NRG1: variants seen among roughly 807,000 people sequenced by gnomAD.
NRG1 encodes the protein neuregulin 1, also known as pro-neuregulin-1, membrane-bound isoform.
A neutral mutation model predicts 63.8 loss-of-function variants in NRG1; 18 were observed. That is an observed-to-expected ratio of 0.28 (90% CI 0.19 to 0.42). The LOEUF (loss-of-function observed/expected upper bound fraction) is 0.42. Ranked by LOEUF, NRG1 falls within the 10% of genes least tolerant of loss-of-function variation. The pLI is 1.00. For synonymous variants in NRG1, 302 were observed against 301.3 expected (o/e 1.00, Z -0.02); for missense variants, 762 against 814.7 (o/e 0.94, Z 0.79).
intron 1 of NRG1, among the ~76,000 whole-genome samples, chr8:32,078,210 G>A (rs2131118296): frequency 6.6e-6 from 1 of 152,318 alleles, no homozygotes; most frequent in African/African-American, 2.4e-5. Context: ...CCTCCCAGTG[G>A]TAATGAGTGA....
At chr8:31,758,103 A>G (rs1817160489) in intron 1 of NRG1, among the ~76,000 whole-genome samples, 1 of 152,104 alleles carries the variant, frequency 6.6e-6, no homozygotes. Context: ...ATACATGTGC[A>G]GAACGTGCAG....
chr8:32,636,117 C>T (rs77882792), intron 5 of NRG1, among the ~76,000 whole-genome samples: 95 of 152,070 alleles, frequency 6.2e-4, no homozygotes, highest in Non-Finnish European at 1.1e-3. Flanking sequence ...TTGAGAAACA[C>T]TTCTAAAGAC....
At chr8:31,970,130 C>T (rs1256728914) in intron 1 of NRG1, among the ~76,000 whole-genome samples, 2 of 152,128 alleles carry the variant, frequency 1.3e-5, no homozygotes, top group Non-Finnish European at 2.9e-5. Flanking sequence ...CCAACTTTCA[C>T]TATTTTAGTA....
chr8:32,149,480 C>G (rs2131812342), intron 1 of NRG1, among the ~76,000 whole-genome samples: 1 of 151,658 alleles, frequency 6.6e-6, no homozygotes, highest in East Asian at 1.9e-4. Flanking sequence ...AAGGGATGCC[C>G]TTCTGTTCTA....
At chr8:32,495,443 T>A (rs1428984717) in intron 1 of NRG1, among the ~76,000 whole-genome samples, 1 of 152,180 alleles carries the variant, frequency 6.6e-6, no homozygotes, top group Non-Finnish European at 1.5e-5. Flanking sequence ...TATAAATTAC[T>A]CAGTCTTGGG....
At chr8:31,932,443 T>A (rs1834946605) in intron 1 of NRG1, among the ~76,000 whole-genome samples, 1 of 152,216 alleles carries the variant, frequency 6.6e-6, no homozygotes, top group Admixed American at 6.5e-5. Flanking sequence ...GTTGGTTGAA[T>A]CCTTCTTGTG....
chr8:32,614,355 G>GC (rs773269287), intron 3 of NRG1, 159 bp from the exon 4 acceptor site: 5 of 549,332 alleles, frequency 9.1e-6, no homozygotes, highest in African/African-American at 1.9e-5. Flanking sequence ...CTGTCTTTCT[G>GC]CATTTCTCAC....
intron 5 of NRG1, among the ~76,000 whole-genome samples, chr8:32,702,718 C>T (rs1815273334): frequency 6.6e-6 from 1 of 152,120 alleles, no homozygotes; most frequent in African/African-American, 2.4e-5. Flanking sequence ...AATTCCTGAC[C>T]TGATCTGCCT....
intron 1 of NRG1, among the ~76,000 whole-genome samples, chr8:32,341,773 T>C (rs1475810657): frequency 1.3e-5 from 2 of 152,146 alleles, no homozygotes; most frequent in East Asian, 3.8e-4. Flanking sequence ...TAAAAGGAAT[T>C]TTGTGGCTTC....
At chr8:32,382,951 G>A (rs1264187347) in intron 1 of NRG1, among the ~76,000 whole-genome samples, 3 of 152,008 alleles carry the variant, frequency 2.0e-5, no homozygotes, top group African/African-American at 7.2e-5. Context: ...GCTGGGCACA[G>A]TGGCTCACAC....
At chr8:32,117,386 T>C (rs1832875081) in intron 1 of NRG1, among the ~76,000 whole-genome samples, 2 of 152,142 alleles carry the variant, frequency 1.3e-5, no homozygotes, top group South Asian at 4.1e-4. Context: ...CGAATTTACT[T>C]TCCATGCATT....
chr8:31,884,194 ATTTGGCATTAGAAATTAT>A (rs2129613101), intron 1 of NRG1, among the ~76,000 whole-genome samples: 1 of 152,190 alleles, frequency 6.6e-6, no homozygotes, highest in Admixed American at 6.6e-5. Context: ...AGGGAATCCT[ATTTGGCATTAGAAATTAT>A]TTATTTTGAG....
intron 1 of NRG1, among the ~76,000 whole-genome samples, chr8:32,253,713 G>A (rs1849373206): frequency 1.3e-5 from 2 of 152,206 alleles, no homozygotes; most frequent in Admixed American, 6.5e-5. Flanking sequence ...CATAAAATGA[G>A]TTAGGGAGAA....
chr8:32,199,683 T>G (rs1460750072), intron 1 of NRG1, among the ~76,000 whole-genome samples: 1 of 152,218 alleles, frequency 6.6e-6, no homozygotes, highest in Non-Finnish European at 1.5e-5. Flanking sequence ...ATAACATATT[T>G]CTAATCCTTT....
intron 1 of NRG1, among the ~76,000 whole-genome samples, chr8:32,354,910 T>G (rs7001724): frequency 0.29 from 44,496 of 151,166 alleles, 6,804 homozygotes; most frequent in South Asian, 0.36. Context: ...ATAATGATAT[T>G]ACAGAAAATG....
chr8:32,465,090 G>T (rs912514236), intron 1 of NRG1, among the ~76,000 whole-genome samples: 1 of 152,078 alleles, frequency 6.6e-6, no homozygotes, highest in African/African-American at 2.4e-5. Flanking sequence ...CAAGAGAATC[G>T]CTTGAATCTG....
At chr8:31,767,422 A>G (rs1367955936) in intron 1 of NRG1, among the ~76,000 whole-genome samples, 3 of 152,190 alleles carry the variant, frequency 2.0e-5, no homozygotes, top group Non-Finnish European at 4.4e-5. Context: ...CCAGTGTTGT[A>G]TGTATGCTCA....
At chr8:32,737,063 C>A (rs2129031254) in intron 6 of NRG1, among the ~76,000 whole-genome samples, 1 of 152,198 alleles carries the variant, frequency 6.6e-6, no homozygotes, top group African/African-American at 2.4e-5. Context: ...TGGTGCTGGG[C>A]AGAAGTTTGG....
chr8:31,809,579 T>C (rs1822651008), intron 1 of NRG1, among the ~76,000 whole-genome samples: 2 of 150,602 alleles, frequency 1.3e-5, no homozygotes, highest in South Asian at 4.2e-4. Flanking sequence ...ATCTCTGACT[T>C]ATCCTAAATG....
Sources: allele counts gnomAD v4.1 joint callset (sites outside exome capture counted in the v4.1 genomes callset), GRCh38; gene constraint gnomAD v4.1.1; transcripts MANE v1.5; gene names NCBI Gene and HGNC (gene_info 2026-07-23, HGNC 2026-07-21).